The following PSMD12 variants were observed in gnomAD, a reference collection of about 807,000 sequenced individuals.
PSMD12 encodes proteasome 26S subunit, non-ATPase 12, also known as 26S proteasome non-ATPase regulatory subunit 12.
A neutral mutation model predicts 62.9 loss-of-function variants in PSMD12; 8 were observed. That is an observed-to-expected ratio of 0.13 (90% CI 0.07 to 0.23). The LOEUF is 0.23. PSMD12 is among the 10% of genes least tolerant of loss of function. PSMD12 has a pLI of 1.00. For missense variants in PSMD12, 424 were observed against 550.2 expected (o/e 0.77, Z 2.29); for synonymous variants, 173 against 187.4 (o/e 0.92, Z 0.63).
intron 9 of PSMD12, among the ~76,000 whole-genome samples, 158 bp downstream of exon 9, chr17:67,344,448 T>G (rs1228762085): frequency 6.6e-6 from 1 of 152,192 alleles, no homozygotes; most frequent in Non-Finnish European, 1.5e-5. Flanking sequence ...AAAAATATCC[T>G]AAGTGAAGAA....
intron 1 of PSMD12, chr17:67,362,916 T>A (rs191161835): frequency 6.6e-6 from 1 of 152,286 alleles, no homozygotes; most frequent in Admixed American, 6.5e-5. Context: ...TGAGTACATA[T>A]CATTATCATC....
intron 1 of PSMD12, among the ~76,000 whole-genome samples, chr17:67,358,567 C>CAAAAAAAAAAAAAAAAAAAAA (rs398039153): frequency 5.4e-5 from 4 of 74,072 alleles, no homozygotes; most frequent in Non-Finnish European, 9.8e-5. Context: ...GAACCTGTCT[C>CAAAAAAAAAAAAAAAAAAAAA]AAAAAAAAAA....
At position 67,342,269 on chromosome 17, in the gene PSMD12, G is replaced by A; in HGVS notation, c.1084-6C>T. ...TTGGCCATTATTCTAATATTCTGGGGAGAGGATAGAGAGCAGGGAGAACAC... is the reference window on the plus strand; with the variant it reads ...TTGGCCATTATTCTAATATTCTGGGAAGAGGATAGAGAGCAGGGAGAACAC... On this transcript the variant is annotated splice_region_variant and splice_polypyrimidine_tract_variant and intron_variant, in intron 9 of 10. Coordinates refer to ENST00000356126, the MANE Select transcript of PSMD12 (RefSeq NM_002816.5). 2 of 1,530,020 alleles carry A rather than the reference G, an allele frequency of 1.3e-6. No homozygotes were observed. Among genetic ancestry groups the A allele is most frequent in the South Asian group, 1.1e-5 (1 of 88,364 alleles). The allele number at this position is 1,530,020 out of a possible 1,614,324, so 94.8% of individuals were successfully genotyped here.
intron 10 of PSMD12, among the ~76,000 whole-genome samples, 164 bp from the exon 11 acceptor site, chr17:67,341,216 C>A (rs1028483848): frequency 1.1e-4 from 16 of 151,994 alleles, no homozygotes; most frequent in African/African-American, 3.9e-4. Context: ...CACCTGTAAT[C>A]CCAGCACTTT....
intron 9 of PSMD12, among the ~76,000 whole-genome samples, chr17:67,343,876 G>A (rs1024604969): frequency 6.6e-6 from 1 of 152,012 alleles, no homozygotes; most frequent in Non-Finnish European, 1.5e-5. Flanking sequence ...GCTAATTTTT[G>A]TATTTTTAGT....
chr17:67,342,654 C>A (rs557583795), intron 9 of PSMD12, among the ~76,000 whole-genome samples: 2 of 152,012 alleles, frequency 1.3e-5, no homozygotes, highest in South Asian at 4.2e-4. Flanking sequence ...GATTGGAGAT[C>A]GATCGGGTGC....
At chr17:67,347,271 C>T (rs1452835102) in intron 6 of PSMD12, 21 bp from the exon 7 acceptor site, 2 of 1,612,470 alleles carry the variant, frequency 1.2e-6, no homozygotes, top group East Asian at 2.2e-5. Context: ...GTTGACAAAA[C>T]AAATTGGGGT....
At chr17:67,358,567 C>CAAAAAAAAAAAAAAAAAAAAAAA (rs398039153) in intron 1 of PSMD12, among the ~76,000 whole-genome samples, 32 of 74,044 alleles carry the variant, frequency 4.3e-4, no homozygotes, top group Non-Finnish European at 6.1e-4. Context: ...GAACCTGTCT[C>CAAAAAAAAAAAAAAAAAAAAAAA]AAAAAAAAAA....
chr17:67,363,577 A>G (rs1456742385), intron 1 of PSMD12, among the ~76,000 whole-genome samples: 1 of 152,192 alleles, frequency 6.6e-6, no homozygotes, highest in Non-Finnish European at 1.5e-5. Flanking sequence ...AAACCACTTA[A>G]GCTGCCTGAA....
chr17:67,344,805 T>C (rs751068358), intron 8 of PSMD12, 25 bp from the exon 9 acceptor site: 2 of 1,484,210 alleles, frequency 1.3e-6, no homozygotes, highest in South Asian at 1.4e-5. Context: ...CATCTTAATA[T>C]TCCAAATCTG....
At chr17:67,357,183 A>G (rs1458273642) in intron 3 of PSMD12, 120 bp downstream of exon 3, 2 of 1,113,100 alleles carry the variant, frequency 1.8e-6, no homozygotes, top group Non-Finnish European at 2.5e-6. Context: ...ATTTTAAAAC[A>G]CCCTCTAGGA....
intron 9 of PSMD12, among the ~76,000 whole-genome samples, 181 bp downstream of exon 9, chr17:67,344,425 G>A (rs2041944228): frequency 6.6e-6 from 1 of 152,098 alleles, no homozygotes; most frequent in South Asian, 2.1e-4. Context: ...CACTACTACA[G>A]TGGGCATAGA....
intron 4 of PSMD12, among the ~76,000 whole-genome samples, chr17:67,349,479 C>A (rs1236401718): frequency 6.6e-6 from 1 of 152,186 alleles, no homozygotes; most frequent in East Asian, 1.9e-4. Context: ...TATTTTGTAA[C>A]TCTGCTTTGA....
chr17:67,350,138 A>C, intron 4 of PSMD12, 91 bp downstream of exon 4: 1 of 761,774 alleles, frequency 1.3e-6, no homozygotes, highest in East Asian at 3.1e-5. Flanking sequence ...AATAAACATA[A>C]AAATATACAA....
intron 3 of PSMD12, among the ~76,000 whole-genome samples, chr17:67,354,915 G>A (rs112961832): frequency 1.3e-5 from 2 of 152,010 alleles, no homozygotes; most frequent in South Asian, 2.1e-4. Context: ...GCATAAACCC[G>A]AGGGGCGGAG....
intron 1 of PSMD12, among the ~76,000 whole-genome samples, chr17:67,362,126 A>AT (rs1484515377): frequency 6.6e-5 from 10 of 152,176 alleles, no homozygotes; most frequent in African/African-American, 2.4e-4. Context: ...CAATTTAAGA[A>AT]TGTAAGTAGT....
At chr17:67,347,034 C>T in intron 7 of PSMD12, 82 bp downstream of exon 7, 2 of 1,371,656 alleles carry the variant, frequency 1.5e-6, no homozygotes, top group Non-Finnish European at 2.0e-6. Context: ...CTAACTATTG[C>T]AGTTAAAAAG....
intron 3 of PSMD12, among the ~76,000 whole-genome samples, chr17:67,355,022 C>A (rs1300656781): frequency 6.6e-6 from 1 of 151,442 alleles, no homozygotes; most frequent in Admixed American, 6.6e-5. Context: ...TTCACATTCA[C>A]ATATTTTAGG....
At chr17:67,355,299 C>T (rs1236233739) in intron 3 of PSMD12, 1 of 152,096 alleles carries the variant, frequency 6.6e-6, no homozygotes, top group African/African-American at 2.4e-5. Flanking sequence ...ACAGTATTGC[C>T]CAGACTGGTC....
Sources: allele counts gnomAD v4.1 joint callset (sites outside exome capture counted in the v4.1 genomes callset), GRCh38; gene constraint gnomAD v4.1.1; transcripts MANE v1.5; gene names NCBI Gene and HGNC (gene_info 2026-07-23, HGNC 2026-07-21).